Variants in ZNF679 observed in about 807,000 individuals in gnomAD.
The protein encoded by ZNF679 is zinc finger protein 679.
ZNF679 carries 10 observed loss-of-function variants against 13.4 expected under a neutral mutation model. The observed-to-expected ratio is 0.75, with a 90% CI of 0.46 to 1.27. The LOEUF (loss-of-function observed/expected upper bound fraction) is 1.27, where lower values mean the gene tolerates loss of function less well. Among genes scored for constraint, ZNF679 ranks in the 50% most tolerant of loss-of-function variants. The pLI is 0.00. For missense variants in ZNF679, 525 were observed against 477.8 expected, an observed-to-expected ratio of 1.10 and a Z score of -0.92; for synonymous variants, 179 against 162.5, an observed-to-expected ratio of 1.10 and a Z score of -0.77.
At chr7:64,262,388 C>A (rs1016286590) in intron 4 of ZNF679, among the ~76,000 whole-genome samples, 1 of 152,166 alleles carries the variant, frequency 6.6e-6, no homozygotes, top group African/African-American at 2.4e-5. Flanking sequence ...GATGGCATGT[C>A]TAAGAAAATG....
At chr7:64,264,894 T>G (rs1788123631) in intron 4 of ZNF679, among the ~76,000 whole-genome samples, 2 of 152,046 alleles carry the variant, frequency 1.3e-5, no homozygotes, top group South Asian at 4.1e-4. Context: ...ATTTTTTTCT[T>G]ACTTCTAAAT....
intron 1 of ZNF679, among the ~76,000 whole-genome samples, chr7:64,235,999 C>G (rs146115605): frequency 8.4e-4 from 128 of 151,878 alleles, no homozygotes; most frequent in East Asian, 8.4e-3. Flanking sequence ...GGGCGTGGTG[C>G]CTCACGCCTG....
intron 4 of ZNF679, among the ~76,000 whole-genome samples, chr7:64,263,495 T>C (rs1175554020): frequency 1.3e-5 from 2 of 152,192 alleles, no homozygotes; most frequent in African/African-American, 4.8e-5. Flanking sequence ...CTCTGTGCCC[T>C]CCAAATCTCA....
intron 1 of ZNF679, among the ~76,000 whole-genome samples, chr7:64,246,302 G>T (rs1787868735): frequency 1.3e-5 from 2 of 152,120 alleles, no homozygotes; most frequent in Non-Finnish European, 2.9e-5. Context: ...TTAGCCAATT[G>T]GCGATTCAGT....
Position 64,260,297 on chromosome 7 carries a change from A to G in ZNF679, c.116A>G (p.Asn39Ser), listed in dbSNP as rs1788058496. ...CAATGCCTGGATCACGCTCAGCAGA[A>G]TTTATATAGAGATGTGATGTTAGAG... ...EWQCLDHAQQNLYRDVMLENY... is the reference protein window; with the variant it reads ...EWQCLDHAQQSLYRDVMLENY... Residue 39 changes from asparagine to serine, a missense_variant, in exon 3 of 5, where the codon AAT (asparagine) becomes AGT (serine). Asn to Ser is a conservative substitution (Grantham distance 46). Transcript: ENST00000421025. 3.1e-6 allele frequency: 5 copies of G among 1,613,216 alleles called. No homozygotes were observed. In the South Asian group the frequency reaches 5.5e-5, roughly 18 times the overall value.
chr7:64,232,867 T>C (rs772754503), intron 1 of ZNF679, among the ~76,000 whole-genome samples: 6 of 152,164 alleles, frequency 3.9e-5, no homozygotes, highest in Admixed American at 6.5e-5. Context: ...AGACAGGTCC[T>C]AGGGAACAGA....
chr7:64,230,477 G>A (rs577424717), intron 1 of ZNF679, among the ~76,000 whole-genome samples: 1 of 150,834 alleles, frequency 6.6e-6, no homozygotes, highest in Admixed American at 6.6e-5. Context: ...AGCTTGCAGT[G>A]AGCCGAGATT....
intron 4 of ZNF679, among the ~76,000 whole-genome samples, chr7:64,265,139 T>C (rs1460971125): frequency 6.6e-6 from 1 of 152,176 alleles, no homozygotes; most frequent in Non-Finnish European, 1.5e-5. Context: ...TCATGTTTTG[T>C]ATACATTGTA....
chr7:64,230,244 G>A (rs1360953978), intron 1 of ZNF679, among the ~76,000 whole-genome samples: 3 of 152,206 alleles, frequency 2.0e-5, no homozygotes, highest in Non-Finnish European at 4.4e-5. Flanking sequence ...CTAAGAAAAG[G>A]GCCAAGAGGC....
At chr7:64,248,979 C>G in intron 1 of ZNF679, 49 bp from the exon 2 acceptor site, 4 of 1,248,432 alleles carry the variant, frequency 3.2e-6, no homozygotes, top group Middle Eastern at 2.0e-4. Flanking sequence ...CTGGAGAGAA[C>G]AGGATGCCTC....
chr7:64,265,977 A>G lies in ZNF679; in HGVS notation c.344A>G (p.Tyr115Cys), dbSNP rs769089827. 5 of 1,613,876 alleles carry G rather than the reference A, an allele frequency of 3.1e-6. No individual in the cohort carries two copies. The African/African-American group carries it at 4.0e-5, about 13-fold the overall frequency. The change falls in exon 5 of 5, where the codon TAT becomes TGT. Residue 115 changes from tyrosine to cysteine, a missense_variant. Transcript: ENST00000421025. ...CTCCAAAAAGTAATACCAAGAAGAT[A>G]TGGAAAAAGTGGACATGACAATTTA... Reference protein sequence around the residue: ...DSLQKVIPRRYGKSGHDNLQV... With the variant: ...DSLQKVIPRRCGKSGHDNLQV...
At chr7:64,233,245 CAAAT>C (rs1787663819) in intron 1 of ZNF679, among the ~76,000 whole-genome samples, 1 of 82,080 alleles carries the variant, frequency 1.2e-5, no homozygotes, top group African/African-American at 4.1e-5. Context: ...TGTCTCAAAA[CAAAT>C]AAACAAAAAA....
chr7:64,249,914 T>C (rs1274101390), intron 2 of ZNF679, among the ~76,000 whole-genome samples: 1 of 152,182 alleles, frequency 6.6e-6, no homozygotes, highest in East Asian at 1.9e-4. Flanking sequence ...CTATCTTGGC[T>C]CACTGCAACT....
intron 1 of ZNF679, among the ~76,000 whole-genome samples, chr7:64,235,396 C>T (rs1787695437): frequency 6.6e-6 from 1 of 150,438 alleles, no homozygotes; most frequent in South Asian, 2.1e-4. Flanking sequence ...TGCTATATTG[C>T]TATATTAAGA....
chr7:64,236,979 GAAAGAAAGAAAGAAAGA>G (rs1787733759), intron 1 of ZNF679, among the ~76,000 whole-genome samples: 1 of 64,318 alleles, frequency 1.6e-5, no homozygotes, highest in Non-Finnish European at 3.3e-5. Context: ...GAAAGAAAAA[GAAAGAAAGAAAGAAAGA>G]AAGAAAAAGA....
intron 1 of ZNF679, among the ~76,000 whole-genome samples, chr7:64,229,717 G>A (rs947179000): frequency 6.6e-6 from 1 of 152,164 alleles, no homozygotes; most frequent in Non-Finnish European, 1.5e-5. Flanking sequence ...CTAGCCAGGG[G>A]AGTAAAAAAT....
At chr7:64,244,800 C>T (rs150767931) in intron 1 of ZNF679, among the ~76,000 whole-genome samples, 8 of 152,324 alleles carry the variant, frequency 5.3e-5, no homozygotes, top group African/African-American at 1.9e-4. Context: ...TGGGGTCTCC[C>T]AGAAGAAGCC....
chr7:64,240,049 G>T (rs775995891), intron 1 of ZNF679, among the ~76,000 whole-genome samples: 5 of 152,146 alleles, frequency 3.3e-5, no homozygotes, highest in Non-Finnish European at 7.3e-5. Context: ...CATATAGCTG[G>T]AACCAGCTCC....
intron 1 of ZNF679, among the ~76,000 whole-genome samples, chr7:64,247,783 T>C (rs1787887838): frequency 6.6e-6 from 1 of 152,052 alleles, no homozygotes; most frequent in South Asian, 2.1e-4. Context: ...AACTCCTGAC[T>C]TCAGGTGGTC....
Sources: allele counts gnomAD v4.1 joint callset (sites outside exome capture counted in the v4.1 genomes callset), GRCh38; gene constraint gnomAD v4.1.1; transcripts MANE v1.5; gene names NCBI Gene and HGNC (gene_info 2026-07-23, HGNC 2026-07-21).